The following ZNF736 variants were observed in gnomAD, a reference collection of about 807,000 sequenced individuals.
The protein encoded by ZNF736 is KRAB-containing zinc-finger repressor protein.
A neutral mutation model predicts 11.7 loss-of-function variants in ZNF736; 6 were observed. The ratio of observed to expected loss-of-function variants is 0.51; its 90% CI spans 0.28 to 1.01. The LOEUF (loss-of-function observed/expected upper bound fraction) is 1.01, where lower values mean the gene tolerates loss of function less well. Ranked by LOEUF, ZNF736 falls within the 50% of genes least tolerant of loss-of-function variation. The probability of loss-of-function intolerance (pLI) is 0.09; values close to 1 mark genes in which losing one functional copy is unlikely to be tolerated. For missense variants in ZNF736, 444 were observed against 496.0 expected (o/e 0.90, Z 1.00); for synonymous variants, 139 against 164.7 (o/e 0.84, Z 1.19).
In ZNF736 at chr7:64,349,796, A is replaced by C. The variant is rs757442140; in HGVS notation, c.*649A>C. 1 of 152,260 alleles carries C rather than the reference A, an allele frequency of 6.6e-6. No homozygotes were observed. Among genetic ancestry groups the C allele is most frequent in the Non-Finnish European group, 1.5e-5 (1 of 68,108 alleles). 9.4% of individuals were successfully genotyped at this position (152,260 alleles called of 1,614,324 possible). A position where few individuals can be genotyped will look rare whatever the true frequency, so the allele number is the denominator to read the frequency against. ...CATTTGCTTGTCTGAATAGGATCAT[A>C]TATATTTTTTACTTCTGAAGCTTAC... On this transcript the variant is annotated 3_prime_UTR_variant, in exon 4 of 4. Transcript: ENST00000423484.
intron 3 of ZNF736, among the ~76,000 whole-genome samples, chr7:64,342,182 G>GT (rs1789346368): frequency 6.6e-6 from 1 of 152,082 alleles, no homozygotes; most frequent in East Asian, 1.9e-4. Context: ...TTTTGGAGGT[G>GT]TTTTTAAAAA....
chr7:64,330,239 C>A (rs1014773301), intron 1 of ZNF736, among the ~76,000 whole-genome samples: 1 of 152,062 alleles, frequency 6.6e-6, no homozygotes, highest in African/African-American at 2.4e-5. Context: ...TCACTGCAAG[C>A]TCCGCCTCCC....
chr7:64,336,772 TA>T, intron 2 of ZNF736, 114 bp from the exon 3 acceptor site: 1 of 870,906 alleles, frequency 1.1e-6, no homozygotes. Context: ...AACAGTATAT[TA>T]AAATTAATTT....
chr7:64,350,240 G>C lies in ZNF736; in HGVS notation c.*1093G>C, dbSNP rs1361391112. The C allele has an allele frequency of 6.6e-6, 1 of 152,106 alleles. No individual in the cohort carries two copies. Among genetic ancestry groups the C allele is most frequent in the Non-Finnish European group, 1.5e-5 (1 of 68,014 alleles). The allele number at this position is 152,106 out of a possible 1,614,324, so 9.4% of individuals were successfully genotyped here. A position where few individuals can be genotyped will look rare whatever the true frequency, so the allele number is the denominator to read the frequency against. ...TTACATAATCCCATATTTCTTAGAG[G>C]TTTTGTTCATTCCTCTTTATTCTTT... On this transcript the variant is annotated 3_prime_UTR_variant, in exon 4 of 4. Coordinates refer to ENST00000423484, the MANE Select transcript of ZNF736 (RefSeq NM_001170905.3).
intron 1 of ZNF736, among the ~76,000 whole-genome samples, chr7:64,325,806 AC>A (rs1487146797): frequency 6.6e-6 from 1 of 152,172 alleles, no homozygotes; most frequent in African/African-American, 2.4e-5. Flanking sequence ...GGACCTGGAA[AC>A]CATTGCATTG....
intron 1 of ZNF736, among the ~76,000 whole-genome samples, chr7:64,331,623 T>A (rs1311150577): frequency 6.6e-6 from 1 of 152,198 alleles, no homozygotes; most frequent in African/African-American, 2.4e-5. Flanking sequence ...TGCTATTTAG[T>A]CATCTTGCTC....
intron 3 of ZNF736, among the ~76,000 whole-genome samples, chr7:64,338,665 G>A (rs1789293851): frequency 1.3e-5 from 2 of 151,788 alleles, no homozygotes; most frequent in South Asian, 4.2e-4. Flanking sequence ...TAGAATGTCA[G>A]GGTTTTATTA....
Position 64,349,228 on chromosome 7 carries a change from T to A in ZNF736, c.*81T>A. On this transcript the variant is annotated 3_prime_UTR_variant, in exon 4 of 4. Coordinates refer to ENST00000423484, the MANE Select transcript of ZNF736 (RefSeq NM_001170905.3). ...ATACTGAACAAATGCAGTATAAATG[T>A]AATGACAGTGGAAGAACATTTATCA... The A allele has an allele frequency of 1.7e-6, 2 of 1,188,934 alleles. No homozygotes were observed. The highest frequency in any genetic ancestry group is 2.3e-6 in the Non-Finnish European group (2 of 874,036). 73.6% of individuals were successfully genotyped at this position (1,188,934 alleles called of 1,614,324 possible).
In ZNF736 at chr7:64,349,064, G is replaced by C. The variant is rs779018598; in HGVS notation, c.1201G>C (p.Glu401Gln). ...TGGAGAGAAACCCTACAAATGTGAA[G>C]AATGTGGCAAAGCATCGAGCTGGTT... is the stretch of plus-strand genomic sequence containing the variant. ...HTGEKPYKCEECGKASSWFSH... is the reference protein window; with the variant it reads ...HTGEKPYKCEQCGKASSWFSH... The change falls in exon 4 of 4, where the codon GAA (glutamate) becomes CAA (glutamine). Residue 401 changes from glutamate (E) to glutamine (Q), a missense_variant. Glu to Gln is a conservative substitution (Grantham distance 29). Transcript: ENST00000423484. 2 of 1,606,126 alleles carry C rather than the reference G, an allele frequency of 1.2e-6. No homozygotes were observed. The highest frequency in any genetic ancestry group is 1.7e-6 in the Non-Finnish European group (2 of 1,175,770).
At position 64,353,668 on chromosome 7, in the gene ZNF736, A is replaced by G. The variant is rs572132832; in HGVS notation, c.*4521A>G. 6.2e-5 allele frequency: 9 copies of G among 145,482 alleles called. No individual in the cohort carries two copies. The East Asian group carries it at 1.7e-3, about 27-fold the overall frequency. The allele number at this position is 145,482 out of a possible 1,614,324, so 9.0% of individuals were successfully genotyped here. On this transcript the variant is annotated 3_prime_UTR_variant, in exon 4 of 4. Coordinates refer to ENST00000423484, the MANE Select transcript of ZNF736 (RefSeq NM_001170905.3). ...AGGATTAAGTAAACTGAAACCTAAG[A>G]CACACGAAGAAATTCTAAGTGGAAA...
chr7:64,350,670 C>G lies in ZNF736; in HGVS notation c.*1523C>G, dbSNP rs1789473148. On this transcript the variant is annotated 3_prime_UTR_variant, in exon 4 of 4. Transcript: ENST00000423484. ...TGGGCATATCTTTGAGGTTGCTGACCTTTGGGCTTTTTTTTTTTTAATCCT... is the reference window on the plus strand; with the variant it reads ...TGGGCATATCTTTGAGGTTGCTGACGTTTGGGCTTTTTTTTTTTTAATCCT... 1 of 148,306 alleles carries G rather than the reference C, an allele frequency of 6.7e-6. No individual in the cohort carries two copies. Among genetic ancestry groups the G allele is most frequent in the African/African-American group, 2.5e-5 (1 of 40,414 alleles). 9.2% of individuals were successfully genotyped at this position (148,306 alleles called of 1,614,324 possible).
intron 3 of ZNF736, among the ~76,000 whole-genome samples, chr7:64,344,371 AT>A (rs1240256592): frequency 3.3e-5 from 5 of 152,228 alleles, no homozygotes; most frequent in African/African-American, 9.6e-5. Context: ...TGTTAAGTAT[AT>A]TGACATTTTT....
At chr7:64,335,293 AG>A (rs565520366) in intron 1 of ZNF736, among the ~76,000 whole-genome samples, 41 of 152,140 alleles carry the variant, frequency 2.7e-4, no homozygotes, top group African/African-American at 9.2e-4. Flanking sequence ...CAGAACTTAA[AG>A]TTTAAAAAAA....
At chr7:64,326,559 C>T (rs1789085239) in intron 1 of ZNF736, among the ~76,000 whole-genome samples, 2 of 152,010 alleles carry the variant, frequency 1.3e-5, no homozygotes, top group Non-Finnish European at 2.9e-5. Context: ...TTTTTATATT[C>T]ATTTATTTCT....
chr7:64,335,974 T>A (rs1195842482), intron 1 of ZNF736, among the ~76,000 whole-genome samples: 1 of 152,236 alleles, frequency 6.6e-6, no homozygotes, highest in East Asian at 1.9e-4. Flanking sequence ...TTTTCTTGTA[T>A]TATGTAAATG....
chr7:64,349,125 G>C lies in ZNF736; in HGVS notation c.1262G>C (p.Arg421Thr). The C allele has an allele frequency of 6.4e-7, 1 of 1,556,566 alleles. No individual in the cohort carries two copies. The highest frequency in any genetic ancestry group is 8.7e-7 in the Non-Finnish European group (1 of 1,152,258). The change falls in exon 4 of 4, where the codon AGA becomes ACA. Residue 421 changes from arginine to threonine, a missense_variant. Physicochemically the swap from Arg to Thr is moderately conservative, Grantham distance 71. Coordinates refer to ENST00000423484, the MANE Select transcript of ZNF736 (RefSeq NM_001170905.3). Reference sequence around the variant, plus strand: ...ATCAGACATAAGAGAATTCATACTAGAGAGAAGCTCCACAAGTGTTAAAAA... The same window carrying C: ...ATCAGACATAAGAGAATTCATACTACAGAGAAGCTCCACAAGTGTTAAAAA... ...HLIRHKRIHT[R>T]EKLHKC is the part of the protein sequence containing the mutation.
At chr7:64,343,205 C>T (rs1789362989) in intron 3 of ZNF736, among the ~76,000 whole-genome samples, 2 of 152,052 alleles carry the variant, frequency 1.3e-5, no homozygotes, top group Non-Finnish European at 2.9e-5. Flanking sequence ...TATGTGGTAC[C>T]TATATACACA....
chr7:64,327,605 TTC>T (rs959414265), intron 1 of ZNF736, among the ~76,000 whole-genome samples: 5 of 152,174 alleles, frequency 3.3e-5, no homozygotes, highest in Non-Finnish European at 7.4e-5. Context: ...TTGTGGTCTT[TTC>T]TCTCTCCTTT....
In ZNF736 at chr7:64,339,569, C is replaced by A. The variant is rs186477876; in HGVS notation, c.226+2587C>A. Among the ~76,000 whole-genome samples the A allele has an allele frequency of 9.0e-4, 137 of 152,230 alleles. 1 individual carries two copies. The highest frequency in any genetic ancestry group is 3.2e-3 in the African/African-American group (131 of 41,556). On this transcript the variant is annotated intron_variant, in intron 3 of 3. Coordinates refer to ENST00000423484, the MANE Select transcript of ZNF736 (RefSeq NM_001170905.3). The stretch of plus-strand genomic sequence containing the variant: ...TTTCTGCATTATGCATTCTCAGTGG[C>A]TCAGTGTCAAAGATGAGTTGATCTT...
Sources: allele counts gnomAD v4.1 joint callset (sites outside exome capture counted in the v4.1 genomes callset), GRCh38; gene constraint gnomAD v4.1.1; transcripts MANE v1.5; gene names NCBI Gene and HGNC (gene_info 2026-07-23, HGNC 2026-07-21).